The following NCKAP5 variants were observed in gnomAD, a reference collection of about 807,000 sequenced individuals.
NCKAP5 encodes the protein nck-associated protein 5.
A neutral mutation model predicts 167.0 loss-of-function variants in NCKAP5; 92 were observed. The observed-to-expected ratio is 0.55, with a 90% CI of 0.47 to 0.66. NCKAP5 has a LOEUF of 0.66. Among genes scored for constraint, NCKAP5 ranks in the 30% least tolerant of loss-of-function variants. NCKAP5 has a pLI of 0.00. For synonymous variants in NCKAP5, 891 were observed against 877.4 expected, an observed-to-expected ratio of 1.02 and a Z score of -0.27; for missense variants, 2,378 against 2,315.0, an observed-to-expected ratio of 1.03 and a Z score of -0.56.
chr2:132,815,413 T>C (rs538759819), intron 11 of NCKAP5, among the ~76,000 whole-genome samples: 3 of 152,340 alleles, frequency 2.0e-5, no homozygotes, highest in East Asian at 3.9e-4. Flanking sequence ...TGAACACTTG[T>C]TAGTATTCAG....
At chr2:132,915,860 G>T (rs1694827912) in intron 8 of NCKAP5, among the ~76,000 whole-genome samples, 1 of 151,996 alleles carries the variant, frequency 6.6e-6, no homozygotes, top group African/African-American at 2.4e-5. Flanking sequence ...GACCCCAGAG[G>T]CAGATGGCTT....
the NCKAP5 span, among the ~76,000 whole-genome samples, chr2:133,669,376 C>T: frequency 1.3e-5 from 2 of 152,064 alleles, no homozygotes; most frequent in Admixed American, 1.3e-4. Context: ...TTTCAGAGGT[C>T]TTTACTCCAC....
At chr2:133,454,217 T>C (rs558415689) in intron 3 of NCKAP5, among the ~76,000 whole-genome samples, 2 of 152,144 alleles carry the variant, frequency 1.3e-5, no homozygotes, top group Admixed American at 1.3e-4. Context: ...ATGGATAATA[T>C]AATTTAAATA....
At chr2:132,961,174 T>C (rs868196342) in intron 8 of NCKAP5, among the ~76,000 whole-genome samples, 57 of 152,228 alleles carry the variant, frequency 3.7e-4, no homozygotes, top group African/African-American at 1.1e-3. Flanking sequence ...ATCAGTTCTC[T>C]ATTTTCCTAC....
At chr2:132,872,759 T>A (rs561448751) in intron 9 of NCKAP5, among the ~76,000 whole-genome samples, 12 of 152,312 alleles carry the variant, frequency 7.9e-5, no homozygotes, top group African/African-American at 2.6e-4. Context: ...TTTTTGAAAA[T>A]GTGCTTTGGA....
chr2:132,895,148 G>A (rs572669288), intron 8 of NCKAP5, among the ~76,000 whole-genome samples: 59 of 151,928 alleles, frequency 3.9e-4, no homozygotes, highest in East Asian at 1.6e-3. Flanking sequence ...TGGCTAACAC[G>A]GTGAAACCCC....
intron 3 of NCKAP5, among the ~76,000 whole-genome samples, chr2:133,451,056 T>C (rs1691519485): frequency 1.3e-5 from 2 of 152,198 alleles, no homozygotes; most frequent in Non-Finnish European, 2.9e-5. Flanking sequence ...ATAGGGTCTT[T>C]GTAGCTGTAA....
At chr2:133,549,722 A>C (rs1253650291) in intron 2 of NCKAP5, among the ~76,000 whole-genome samples, 1 of 144,698 alleles carries the variant, frequency 6.9e-6, no homozygotes, top group East Asian at 2.0e-4. Context: ...AAAAGCTAGC[A>C]GAAGGCAAGA....
intron 11 of NCKAP5, among the ~76,000 whole-genome samples, chr2:132,832,994 C>A (rs569335537): frequency 6.6e-6 from 1 of 152,158 alleles, no homozygotes; most frequent in South Asian, 2.1e-4. Context: ...ACATTCTCAC[C>A]AACAGTATAC....
intron 11 of NCKAP5, among the ~76,000 whole-genome samples, chr2:132,836,428 T>TA (rs1240106092): frequency 6.6e-6 from 1 of 152,070 alleles, no homozygotes; most frequent in Non-Finnish European, 1.5e-5. Flanking sequence ...TTTTGTTTGT[T>TA]ATTGTTATTG....
chr2:132,883,718 C>A (rs1313760459), intron 8 of NCKAP5, among the ~76,000 whole-genome samples: 3 of 152,218 alleles, frequency 2.0e-5, no homozygotes, highest in African/African-American at 7.2e-5. Context: ...CACACGCTGG[C>A]AGCAGGAGTT....
intron 3 of NCKAP5, among the ~76,000 whole-genome samples, chr2:133,510,528 C>A (rs1575081679): frequency 1.3e-5 from 2 of 152,292 alleles, no homozygotes; most frequent in African/African-American, 4.8e-5. Flanking sequence ...TTATAAGTCT[C>A]CCCTTCCCAC....
intron 19 of NCKAP5, among the ~76,000 whole-genome samples, chr2:132,688,883 G>C (rs1166264575): frequency 6.6e-6 from 1 of 151,240 alleles, no homozygotes; most frequent in Non-Finnish European, 1.5e-5. Context: ...CTACTTGGGA[G>C]GCAGAGGTGG....
At chr2:133,268,461 C>T (rs1386080448) in intron 4 of NCKAP5, 1 of 149,424 alleles carries the variant, frequency 6.7e-6, no homozygotes, top group Non-Finnish European at 1.5e-5. Context: ...AGGACAACTA[C>T]TGGTTAGATT....
chr2:132,688,962 C>T (rs545449224), intron 19 of NCKAP5, among the ~76,000 whole-genome samples: 4 of 112,896 alleles, frequency 3.5e-5, no homozygotes, highest in South Asian at 6.2e-4. Context: ...CTCTAGCCTG[C>T]GTGGTGGAAT....
intron 3 of NCKAP5, among the ~76,000 whole-genome samples, chr2:133,476,584 A>C (rs1322216948): frequency 2.6e-5 from 4 of 152,184 alleles, no homozygotes; most frequent in Non-Finnish European, 5.9e-5. Context: ...TCAGGAGAGA[A>C]GCTAATCTCC....
chr2:133,114,408 T>G (rs996116742), intron 6 of NCKAP5, among the ~76,000 whole-genome samples: 2 of 152,208 alleles, frequency 1.3e-5, no homozygotes, highest in Non-Finnish European at 2.9e-5. Context: ...TTATTTAAAT[T>G]ACATCACACA....
intron 12 of NCKAP5, among the ~76,000 whole-genome samples, chr2:132,794,263 TAGAG>T (rs70973407): frequency 0.015 from 181 of 11,848 alleles, 3 homozygotes; most frequent in East Asian, 0.029. Flanking sequence ...TATATATATA[TAGAG>T]AGAGAGAGAG....
chr2:133,619,211 C>G, the NCKAP5 span, among the ~76,000 whole-genome samples: 2 of 143,892 alleles, frequency 1.4e-5, no homozygotes, highest in South Asian at 4.8e-4. Flanking sequence ...TGCTAGATGA[C>G]GAGTTAGTGG....
Sources: gnomAD v4.1 joint callset for allele counts (sites outside exome capture counted in the v4.1 genomes callset) on GRCh38, gnomAD v4.1.1 for gene constraint, MANE v1.5 for transcripts, NCBI Gene and HGNC (gene_info 2026-07-23, HGNC 2026-07-21) for gene names.